GGA2: variants seen among roughly 807,000 people sequenced by gnomAD.
GGA2 encodes golgi associated, gamma adaptin ear containing, ARF binding protein 2.
A neutral mutation model predicts 79.5 loss-of-function variants in GGA2; 48 were observed. That is an observed-to-expected ratio of 0.60 (90% CI 0.48 to 0.77). GGA2 has a LOEUF of 0.77. Ranked by LOEUF, GGA2 falls within the 30% of genes least tolerant of loss-of-function variation. The pLI, the probability that GGA2 is intolerant of heterozygous loss-of-function variation, is 0.00. For synonymous variants in GGA2, 317 were observed against 302.0 expected (o/e 1.05, Z -0.51); for missense variants, 770 against 774.0 (o/e 0.99, Z 0.06).
rs182464792 is a variant in GGA2 at position 23,469,986 on chromosome 16, G to T, written c.1620+10C>A. 56 of 1,504,120 alleles carry T rather than the reference G, an allele frequency of 3.7e-5. No individual in the cohort carries two copies. The highest frequency in any genetic ancestry group is 1.6e-4 in the Admixed American group (7 of 45,036). The allele number at this position is 1,504,120 out of a possible 1,614,324, so 93.2% of individuals were successfully genotyped here. On this transcript the variant is annotated intron_variant, in intron 15 of 16. Coordinates refer to ENST00000309859, the MANE Select transcript of GGA2 (RefSeq NM_015044.4). ...AGCCATTACTGAGAAATCCCCAACAGATGACTCACCTTTGGCACAGCCACT... is the reference window on the plus strand; with the variant it reads ...AGCCATTACTGAGAAATCCCCAACATATGACTCACCTTTGGCACAGCCACT...
At chr16:23,474,630 C>T (rs1007548934) in intron 14 of GGA2, among the ~76,000 whole-genome samples, 5 of 151,454 alleles carry the variant, frequency 3.3e-5, no homozygotes, top group African/African-American at 9.7e-5. Context: ...TTTTTTCTTC[C>T]CCCCCAAATA....
chr16:23,499,727 G>A (rs1452821808), intron 1 of GGA2, among the ~76,000 whole-genome samples: 2 of 152,194 alleles, frequency 1.3e-5, no homozygotes, highest in Admixed American at 6.5e-5. Flanking sequence ...CCCCCAAAGT[G>A]TTAGGATTAC....
At chr16:23,484,935 G>A (rs1044054642) in intron 8 of GGA2, among the ~76,000 whole-genome samples, 1 of 152,174 alleles carries the variant, frequency 6.6e-6, no homozygotes, top group Non-Finnish European at 1.5e-5. Flanking sequence ...TATTCGTAAT[G>A]AATAATTCAA....
At chr16:23,510,829 C>G (rs1156664121), upstream of GGA2, among the ~76,000 whole-genome samples, 1 of 151,716 alleles carries the variant, frequency 6.6e-6, no homozygotes, top group Non-Finnish European at 1.5e-5. Flanking sequence ...GCTTCAGTCT[C>G]CGGAGGAGCT....
intron 13 of GGA2, 28 bp from the exon 14 acceptor site, chr16:23,475,089 C>G (rs945302567): frequency 6.7e-7 from 1 of 1,491,838 alleles, no homozygotes; most frequent in African/African-American, 1.4e-5. Context: ...ATATCAAAGA[C>G]TAGCAAAAAT....
chr16:23,501,958 A>G (rs956363430), intron 1 of GGA2, among the ~76,000 whole-genome samples: 6 of 152,160 alleles, frequency 3.9e-5, no homozygotes, highest in African/African-American at 1.4e-4. Flanking sequence ...TGGACACAGC[A>G]CATCCCTGCT....
chr16:23,480,608 CA>C, intron 10 of GGA2, 36 bp downstream of exon 10: 1 of 1,579,144 alleles, frequency 6.3e-7, no homozygotes, highest in Non-Finnish European at 8.7e-7. Context: ...CAGGCTGCCC[CA>C]AGGCAGAGAA....
chr16:23,481,282 A>G (rs554660676), intron 9 of GGA2, among the ~76,000 whole-genome samples: 1 of 152,258 alleles, frequency 6.6e-6, no homozygotes, highest in African/African-American at 2.4e-5. Context: ...CTGAGGTGGG[A>G]GAATTGCTTA....
In GGA2 at chr16:23,465,838, G is replaced by A. The variant is rs1421697759; in HGVS notation, c.*1752C>T. 1 of 167,054 alleles carries A rather than the reference G, an allele frequency of 6.0e-6. No individual in the cohort carries two copies. The highest frequency in any genetic ancestry group is 5.7e-5 in the Admixed American group (1 of 17,570). The allele number at this position is 167,054 out of a possible 1,614,324, so 10.3% of individuals were successfully genotyped here. A position where few individuals can be genotyped will look rare whatever the true frequency, so the allele number is the denominator to read the frequency against. The stretch of plus-strand genomic sequence containing the variant: ...CGCCTGTAGTCCCAGCTACTCGAGA[G>A]GCTGAGGCACGAGAATCGCTTGAAC... On this transcript the variant is annotated 3_prime_UTR_variant, in exon 17 of 17. Coordinates refer to ENST00000309859, the MANE Select transcript of GGA2 (RefSeq NM_015044.4).
At chr16:23,493,543 C>T (rs775399105) in intron 3 of GGA2, 85 bp from the exon 4 acceptor site, 68 of 880,734 alleles carry the variant, frequency 7.7e-5, no homozygotes, top group Non-Finnish European at 7.7e-6. Flanking sequence ...TTGCTGGAGA[C>T]TGCGCTGGAA....
At chr16:23,485,436 C>G (rs536030417) in intron 8 of GGA2, among the ~76,000 whole-genome samples, 2 of 152,174 alleles carry the variant, frequency 1.3e-5, no homozygotes, top group Non-Finnish European at 2.9e-5. Flanking sequence ...TAAAATGGTG[C>G]AATCACCCTT....
chr16:23,512,700 C>CTT (rs34027000), upstream of GGA2, among the ~76,000 whole-genome samples: 271 of 55,936 alleles, frequency 4.8e-3, 15 homozygotes, highest in African/African-American at 0.017. Flanking sequence ...TAAAGAAAAT[C>CTT]TTTTTTTTTT....
intron 3 of GGA2, 166 bp downstream of exon 3, chr16:23,494,137 G>T: frequency 1.6e-6 from 1 of 620,294 alleles, no homozygotes; most frequent in Non-Finnish European, 2.9e-6. Context: ...AGGAAGAAGG[G>T]TGGGGACCCT....
At chr16:23,501,296 G>A (rs765140426) in intron 1 of GGA2, 9 of 456,672 alleles carry the variant, frequency 2.0e-5, no homozygotes, top group Non-Finnish European at 3.5e-5. Context: ...GAAAAAGATT[G>A]TCCTTGGAGC....
chr16:23,477,433 C>T (rs1054588724), intron 13 of GGA2, among the ~76,000 whole-genome samples: 1 of 152,176 alleles, frequency 6.6e-6, no homozygotes, highest in Non-Finnish European at 1.5e-5. Flanking sequence ...CTCATTCTCT[C>T]GTCTGCTGCC....
intron 8 of GGA2, among the ~76,000 whole-genome samples, chr16:23,484,703 A>C (rs1221761255): frequency 6.6e-6 from 1 of 152,232 alleles, no homozygotes. Context: ...GACTCCAATC[A>C]AAAAGATAAC....
intron 16 of GGA2, 56 bp from the exon 17 acceptor site, chr16:23,467,756 G>A (rs1052912412): frequency 1.2e-5 from 10 of 849,424 alleles, no homozygotes; most frequent in Non-Finnish European, 2.1e-5. Flanking sequence ...CAGGAACAGG[G>A]GTCAATGTTA....
chr16:23,475,085 A>C, intron 13 of GGA2, 24 bp from the exon 14 acceptor site: 1 of 1,500,704 alleles, frequency 6.7e-7, no homozygotes, highest in South Asian at 1.2e-5. Context: ...AAAAATATCA[A>C]AGACTAGCAA....
At chr16:23,511,810 T>C (rs1965068058), upstream of GGA2, among the ~76,000 whole-genome samples, 4 of 152,078 alleles carry the variant, frequency 2.6e-5, no homozygotes, top group Non-Finnish European at 1.5e-5. Context: ...GATGTTATAA[T>C]CAATCCAAAA....
Sources: allele counts gnomAD v4.1 joint callset (sites outside exome capture counted in the v4.1 genomes callset), GRCh38; gene constraint gnomAD v4.1.1; transcripts MANE v1.5; gene names NCBI Gene and HGNC (gene_info 2026-07-23, HGNC 2026-07-21).